The following FMN1 variants were observed in gnomAD, a reference collection of about 807,000 sequenced individuals.
The protein encoded by FMN1 is formin-1.
FMN1 carries 110 observed loss-of-function variants against 132.4 expected under a neutral mutation model. That is an observed-to-expected ratio of 0.83 (90% CI 0.71 to 0.97). FMN1 has a LOEUF of 0.97. Ranked by LOEUF, FMN1 falls within the 50% of genes least tolerant of loss-of-function variation. The pLI is 0.00. For synonymous variants in FMN1, 722 were observed against 651.7 expected, an observed-to-expected ratio of 1.11 and a Z score of -1.64; for missense variants, 1,792 against 1,705.3, an observed-to-expected ratio of 1.05 and a Z score of -0.90.
chr15:32,785,218 A>ATTTTTTTTTT (rs1230723314), intron 19 of FMN1, among the ~76,000 whole-genome samples: 947 of 39,124 alleles, frequency 0.024, 155 homozygotes, highest in African/African-American at 0.027. Flanking sequence ...ATATATATAT[A>ATTTTTTTTTT]TTTTTTTTTT....
At position 32,801,808 on chromosome 15, in the gene FMN1, A is replaced by G. The variant is rs565391075; in HGVS notation, c.3980+2473T>C. 6.3e-4 allele frequency among the ~76,000 whole-genome samples: 96 copies of G among 152,230 alleles called. 1 individual carries two copies. The South Asian group carries it at 0.014, about 22-fold the overall frequency. Reference sequence around the variant, plus strand: ...AGACTCCGTCTCAAAAAACAAACAAACAAACAAAACCAGTGTGCCTTATTT... The same window carrying G: ...AGACTCCGTCTCAAAAAACAAACAAGCAAACAAAACCAGTGTGCCTTATTT... On this transcript the variant is annotated intron_variant, in intron 18 of 20. Transcript: ENST00000616417.
intron 4 of FMN1, among the ~76,000 whole-genome samples, chr15:33,103,047 A>G (rs1251202810): frequency 1.3e-5 from 2 of 152,126 alleles, no homozygotes; most frequent in Non-Finnish European, 2.9e-5. Context: ...CTCCAGTACC[A>G]GGCACTCCAG....
intron 17 of FMN1, among the ~76,000 whole-genome samples, chr15:32,826,756 C>T (rs1487074837): frequency 6.6e-6 from 1 of 152,186 alleles, no homozygotes; most frequent in Admixed American, 6.5e-5. Flanking sequence ...CATGATCTCA[C>T]ACTATCATTA....
rs1422443005 is a variant in FMN1, at chr15:32,768,774, TAAGAG to T, written c.*5531_*5535del. 5.9e-5 allele frequency: 9 copies of T among 152,092 alleles called. No homozygotes were observed. The highest frequency in any genetic ancestry group is 8.8e-5 in the Non-Finnish European group (6 of 68,010). The allele number at this position is 152,092 out of a possible 1,614,324, so 9.4% of individuals were successfully genotyped here. A position where few individuals can be genotyped will look rare whatever the true frequency, so the allele number is the denominator to read the frequency against. On this transcript the variant is annotated 3_prime_UTR_variant, in exon 21 of 21. Coordinates refer to ENST00000616417, the MANE Select transcript of FMN1 (RefSeq NM_001277313.2). ...GGAGACTAGAGATTCTCAGTATATT[TAAGAG>T]AAGATTTAAAAATAGAAAATTACAT...
chr15:33,177,859 T>G (rs1965567252), intron 3 of FMN1, among the ~76,000 whole-genome samples: 1 of 150,674 alleles, frequency 6.6e-6, no homozygotes, highest in Non-Finnish European at 1.5e-5. Context: ...ACAAAAAAAA[T>G]TAGCCAGGCA....
intron 9 of FMN1, among the ~76,000 whole-genome samples, chr15:32,951,087 TAATA>T (rs567781617): frequency 2.0e-5 from 3 of 152,302 alleles, no homozygotes; most frequent in African/African-American, 4.8e-5. Context: ...GTCTATTTGT[TAATA>T]AAGAAACCAA....
At chr15:33,000,277 G>A (rs570199439) in intron 7 of FMN1, among the ~76,000 whole-genome samples, 25 of 152,026 alleles carry the variant, frequency 1.6e-4, no homozygotes, top group African/African-American at 2.9e-4. Context: ...GTGAAATCCC[G>A]TCTCTACTAA....
chr15:33,135,666 G>A (rs1177911014), intron 4 of FMN1, among the ~76,000 whole-genome samples: 1 of 152,136 alleles, frequency 6.6e-6, no homozygotes, highest in East Asian at 1.9e-4. Context: ...GTGTAAGATG[G>A]GACTCTCTCT....
chr15:33,023,232 A>G (rs1298727179), intron 6 of FMN1, among the ~76,000 whole-genome samples: 1 of 146,428 alleles, frequency 6.8e-6, no homozygotes, highest in Non-Finnish European at 1.5e-5. Context: ...TGCAAAACAA[A>G]TAAGGGTAAA....
intron 6 of FMN1, among the ~76,000 whole-genome samples, chr15:33,058,956 A>C (rs1000454341): frequency 5.9e-5 from 9 of 152,190 alleles, no homozygotes; most frequent in Non-Finnish European, 1.2e-4. Context: ...TTTTTACTAT[A>C]ATCACACTGC....
intron 4 of FMN1, among the ~76,000 whole-genome samples, chr15:33,114,789 G>C (rs1193235509): frequency 6.6e-6 from 1 of 152,160 alleles, no homozygotes; most frequent in South Asian, 2.1e-4. Flanking sequence ...ATCATTAAAG[G>C]AATAGAAATA....
chr15:33,172,891 A>G (rs1329509052), intron 3 of FMN1, among the ~76,000 whole-genome samples: 1 of 152,236 alleles, frequency 6.6e-6, no homozygotes, highest in Non-Finnish European at 1.5e-5. Context: ...TATGAAGGAT[A>G]ATGAATCAAA....
At chr15:33,105,685 T>C (rs932306110) in intron 4 of FMN1, 1 of 152,202 alleles carries the variant, frequency 6.6e-6, no homozygotes, top group African/African-American at 2.4e-5. Context: ...ACTTCCTGTT[T>C]TCTCTTTCAA....
At chr15:33,125,861 GTT>G (rs1963012321) in intron 4 of FMN1, among the ~76,000 whole-genome samples, 1 of 152,144 alleles carries the variant, frequency 6.6e-6, no homozygotes, top group Admixed American at 6.5e-5. Context: ...ATCTCTAAAT[GTT>G]TAACTTCTCA....
Position 32,767,492 on chromosome 15 carries a change from C to T in FMN1, c.*6818G>A, listed in dbSNP as rs2056087205. ...TCCCCTAAATCAAAGTCCAAGGCCA[C>T]CCTGCTTGCCATGCTAGTCTAAATG... On this transcript the variant is annotated 3_prime_UTR_variant, in exon 21 of 21. Transcript: ENST00000616417. 6.6e-6 allele frequency: 1 copy of T among 152,138 alleles called. No individual in the cohort carries two copies. The highest frequency in any genetic ancestry group is 2.1e-4 in the South Asian group (1 of 4,820). The allele number at this position is 152,138 out of a possible 1,614,324, so 9.4% of individuals were successfully genotyped here. A position where few individuals can be genotyped will look rare whatever the true frequency, so the allele number is the denominator to read the frequency against.
chr15:32,989,226 A>C (rs1172127635), intron 7 of FMN1, among the ~76,000 whole-genome samples: 1 of 152,200 alleles, frequency 6.6e-6, no homozygotes, highest in Non-Finnish European at 1.5e-5. Context: ...TTGTTTAGTG[A>C]AAGTTTATGT....
At chr15:33,112,517 C>T (rs2039749214) in intron 4 of FMN1, among the ~76,000 whole-genome samples, 1 of 152,112 alleles carries the variant, frequency 6.6e-6, no homozygotes, top group Admixed American at 6.5e-5. Flanking sequence ...GATGCCGAAC[C>T]TAAGAGCATT....
At chr15:33,031,593 G>A (rs1282662145) in intron 6 of FMN1, among the ~76,000 whole-genome samples, 2 of 152,086 alleles carry the variant, frequency 1.3e-5, no homozygotes, top group East Asian at 3.9e-4. Flanking sequence ...TTCATTTCAT[G>A]AAGGCAACTC....
At chr15:32,980,306 T>TG (rs911655882) in intron 7 of FMN1, among the ~76,000 whole-genome samples, 13 of 143,292 alleles carry the variant, frequency 9.1e-5, no homozygotes, top group African/African-American at 3.6e-4. Flanking sequence ...TAGGTCAGTT[T>TG]GAAAAAAAAA....
Sources: gnomAD v4.1 joint callset for allele counts (sites outside exome capture counted in the v4.1 genomes callset) on GRCh38, gnomAD v4.1.1 for gene constraint, MANE v1.5 for transcripts, NCBI Gene and HGNC (gene_info 2026-07-23, HGNC 2026-07-21) for gene names.